SUSD4: variants seen among roughly 807,000 people sequenced by gnomAD.
SUSD4 encodes the protein sushi domain-containing protein 4.
A neutral mutation model predicts 50.5 loss-of-function variants in SUSD4; 41 were observed. The observed-to-expected ratio is 0.81, with a 90% confidence interval of 0.63 to 1.05. The LOEUF (loss-of-function observed/expected upper bound fraction) is 1.05, where lower values mean the gene tolerates loss of function less well. Among genes scored for constraint, SUSD4 ranks in the 50% least tolerant of loss-of-function variants. The pLI is 0.00. For synonymous variants in SUSD4, 257 were observed against 257.3 expected (o/e 1.00, Z 0.01); for missense variants, 580 against 634.7 (o/e 0.91, Z 0.93).
intron 2 of SUSD4, among the ~76,000 whole-genome samples, chr1:223,339,068 C>T (rs546230926): frequency 1.3e-5 from 2 of 152,140 alleles, no homozygotes; most frequent in South Asian, 4.2e-4. Context: ...CCAGCAAGGA[C>T]TGGTTAGAGG....
chr1:223,235,111 G>A, intron 5 of SUSD4: 1 of 1,590,656 alleles, frequency 6.3e-7, no homozygotes, highest in East Asian at 2.3e-5. Flanking sequence ...CTGAAAAAAA[G>A]AAGTGTAAAT....
At chr1:223,260,968 G>C (rs2103066074) in intron 5 of SUSD4, among the ~76,000 whole-genome samples, 1 of 152,322 alleles carries the variant, frequency 6.6e-6, no homozygotes, top group Middle Eastern at 3.4e-3. Flanking sequence ...CCGCTAGGGA[G>C]AGGAGGTGCC....
intron 5 of SUSD4, among the ~76,000 whole-genome samples, chr1:223,242,252 C>T (rs948754722): frequency 6.6e-6 from 1 of 152,178 alleles, no homozygotes; most frequent in Non-Finnish European, 1.5e-5. Context: ...CAAAATTAGA[C>T]TTCTTTCTTA....
chr1:223,362,927 G>GCCCC (rs1277699318), intron 2 of SUSD4, among the ~76,000 whole-genome samples: 38 of 43,700 alleles, frequency 8.7e-4, no homozygotes, highest in African/African-American at 3.1e-3. Context: ...ACTCCCCACT[G>GCCCC]CCCCCACCCC....
intron 3 of SUSD4, among the ~76,000 whole-genome samples, chr1:223,289,513 C>T (rs952802593): frequency 9.9e-5 from 15 of 152,158 alleles, no homozygotes; most frequent in Non-Finnish European, 2.2e-4. Flanking sequence ...TACCACCTTG[C>T]TTCTGTAGAG....
chr1:223,339,956 C>G (rs1426490814), intron 2 of SUSD4, among the ~76,000 whole-genome samples: 1 of 152,220 alleles, frequency 6.6e-6, no homozygotes, highest in African/African-American at 2.4e-5. Flanking sequence ...ATTCCACCGG[C>G]TCCGCTCTGG....
chr1:223,350,914 A>T (rs927579751), intron 2 of SUSD4, among the ~76,000 whole-genome samples: 2 of 152,210 alleles, frequency 1.3e-5, no homozygotes, highest in Non-Finnish European at 2.9e-5. Context: ...AGTCAGGTGA[A>T]AAAAAAGATA....
chr1:223,245,448 A>G (rs1295906733), intron 5 of SUSD4, among the ~76,000 whole-genome samples: 1 of 152,028 alleles, frequency 6.6e-6, no homozygotes, highest in East Asian at 1.9e-4. Context: ...AGAGGATGGC[A>G]CATGTGAAGG....
Position 223,346,676 on chromosome 1 carries a change from T to C in SUSD4, c.148+16602A>G, listed in dbSNP as rs369808714. On this transcript the variant is annotated intron_variant, in intron 2 of 8. Transcript: ENST00000366878. ...CTGCCCCAGTTTCCTCATATGAAAA[T>C]AGGAATGAAAACGGTACCTAATTCA... 9.2e-5 allele frequency among the ~76,000 whole-genome samples: 14 copies of C among 152,216 alleles called. No individual in the cohort carries two copies. In the East Asian group the frequency reaches 2.5e-3, roughly 27 times the overall value.
At chr1:223,264,855 C>T in intron 4 of SUSD4, 37 bp from the exon 5 acceptor site, 1 of 1,597,398 alleles carries the variant, frequency 6.3e-7, no homozygotes. Flanking sequence ...AGATTCCACT[C>T]TGTCATCTCT....
At chr1:223,350,251 C>G (rs1011678800) in intron 2 of SUSD4, among the ~76,000 whole-genome samples, 1 of 152,224 alleles carries the variant, frequency 6.6e-6, no homozygotes, top group Non-Finnish European at 1.5e-5. Flanking sequence ...CTCCTGAGGG[C>G]CGGGACTGTA....
intron 2 of SUSD4, among the ~76,000 whole-genome samples, chr1:223,338,113 TC>T (rs1667554425): frequency 6.6e-6 from 1 of 152,178 alleles, no homozygotes; most frequent in Non-Finnish European, 1.5e-5. Context: ...TGAAAAAACT[TC>T]CCCCATGTTG....
chr1:223,260,728 G>A (rs1028227453), intron 5 of SUSD4, among the ~76,000 whole-genome samples: 10 of 152,150 alleles, frequency 6.6e-5, no homozygotes, highest in South Asian at 2.1e-4. Flanking sequence ...ACCCATATAC[G>A]CTCCAGAATC....
chr1:223,277,651 C>G (rs911714346), intron 3 of SUSD4, among the ~76,000 whole-genome samples: 4 of 152,144 alleles, frequency 2.6e-5, no homozygotes, highest in African/African-American at 7.2e-5. Context: ...GTGATCCTGA[C>G]AGGCAGCCTG....
intron 5 of SUSD4, among the ~76,000 whole-genome samples, chr1:223,262,544 G>A (rs779989383): frequency 7.2e-5 from 11 of 152,150 alleles, no homozygotes; most frequent in Non-Finnish European, 1.5e-4. Flanking sequence ...GAGAATGAGA[G>A]AAATGCAAAC....
Position 223,231,570 on chromosome 1 carries a change from G to T in SUSD4, c.725-2182C>A, listed in dbSNP as rs540731872. Among the ~76,000 whole-genome samples, 128 of 152,326 alleles carry T rather than the reference G, an allele frequency of 8.4e-4. 1 individual carries two copies. The highest frequency in any genetic ancestry group is 2.9e-3 in the African/African-American group (122 of 41,590). On this transcript the variant is annotated intron_variant, in intron 5 of 8. Coordinates refer to ENST00000366878, the MANE Select transcript of SUSD4 (RefSeq NM_017982.4). The surrounding 1 kb of genome is among the most constrained non-coding windows in gnomAD (Gnocchi z 4.2). ...TCTTTTCAAGTTTGCTACCACCAGG[G>T]TGCTCTGGGAGCATCTCCAGGAAAT... is the stretch of plus-strand genomic sequence containing the variant.
Position 223,229,103 on chromosome 1 carries a change from G to A in SUSD4, c.916+94C>T. 7.9e-7 allele frequency: 1 copy of A among 1,267,478 alleles called. No homozygotes were observed. Among genetic ancestry groups the A allele is most frequent in the Non-Finnish European group, 1.1e-6 (1 of 910,932 alleles). 78.5% of individuals were successfully genotyped at this position (1,267,478 alleles called of 1,614,324 possible). On this transcript the variant is annotated intron_variant, in intron 6 of 8. Coordinates refer to ENST00000366878, the MANE Select transcript of SUSD4 (RefSeq NM_017982.4). The surrounding 1 kb of genome is among the most constrained non-coding windows in gnomAD (Gnocchi z 4.7). Reference sequence around the variant, plus strand: ...CCTGTTCCTGACACTGGGTGGGGGAGGAGAGATACAGCTTGGTACATAACC... The same window carrying A: ...CCTGTTCCTGACACTGGGTGGGGGAAGAGAGATACAGCTTGGTACATAACC...
intron 2 of SUSD4, among the ~76,000 whole-genome samples, chr1:223,324,791 A>G (rs982050248): frequency 6.6e-6 from 1 of 151,840 alleles, no homozygotes; most frequent in Non-Finnish European, 1.5e-5. Flanking sequence ...TCCCTTCATG[A>G]ATGAGGAAAG....
At chr1:223,259,695 C>T (rs778094134) in intron 5 of SUSD4, among the ~76,000 whole-genome samples, 40 of 152,174 alleles carry the variant, frequency 2.6e-4, no homozygotes, top group Non-Finnish European at 1.6e-4. Flanking sequence ...GCTCTCACAG[C>T]CCCAAGCACA....
Sources: gnomAD v4.1 joint callset for allele counts (sites outside exome capture counted in the v4.1 genomes callset) on GRCh38, gnomAD v4.1.1 for gene constraint, Gnocchi (gnomAD v3.1) non-coding constraint, MANE v1.5 for transcripts, NCBI Gene and HGNC (gene_info 2026-07-23, HGNC 2026-07-21) for gene names.